The following KDM5C variants were observed in gnomAD, a reference collection of about 807,000 sequenced individuals.
KDM5C encodes the protein lysine-specific demethylase 5C.
Under a neutral mutation model 110.6 loss-of-function variants are expected in KDM5C, and 16 were observed. The observed-to-expected ratio is 0.14, with a 90% CI of 0.10 to 0.22. KDM5C has a LOEUF of 0.22. Ranked by LOEUF, KDM5C falls within the 10% of genes least tolerant of loss-of-function variation. The probability of loss-of-function intolerance (pLI) is 1.00; values close to 1 mark genes in which losing one functional copy is unlikely to be tolerated. For missense variants in KDM5C, 681 were observed against 1,300.9 expected (o/e 0.52, Z 7.33); for synonymous variants, 511 against 520.4 (o/e 0.98, Z 0.24).
intron 2 of KDM5C, 41 bp downstream of exon 2, chrX:53,220,798 T>C (rs2073874257): frequency 2.8e-6 from 3 of 1,077,588 alleles, no homozygotes; most frequent in Non-Finnish European, 3.9e-6. Flanking sequence ...AACTCAGGTA[T>C]ACATTCTCCC....
At chrX:53,216,004 A>C (rs782284862) in intron 6 of KDM5C, 28 bp from the exon 7 acceptor site, 4 of 1,211,725 alleles carry the variant, frequency 3.3e-6, no homozygotes, top group Non-Finnish European at 2.2e-6. Context: ...GGCTGTAAAC[A>C]CAGGTCTAGG....
chrX:53,195,471 G>A (rs1247143943), intron 20 of KDM5C, 61 bp from the exon 21 acceptor site: 1 of 1,044,478 alleles, frequency 9.6e-7, no homozygotes, highest in Non-Finnish European at 1.3e-6. Flanking sequence ...TGCTTACTCT[G>A]TGCCTGGCCC....
Position 53,197,964 on chromosome X carries a change from C to T in KDM5C, c.2517-88G>A, listed in dbSNP as rs782293487. 142 of 682,412 alleles carry T rather than the reference C, an allele frequency of 2.1e-4. 1 individual carries two copies. In the South Asian group the frequency reaches 2.1e-3, roughly 10 times the overall value. 56.2% of individuals were successfully genotyped at this position (682,412 alleles called of 1,213,427 possible). ...TAAGACTGAACACCTTTCCTCACTA[C>T]ACCTGTCCACCTTGATCTCGCATAT... On this transcript the variant is annotated intron_variant, in intron 17 of 25. Coordinates refer to ENST00000375401, the MANE Select transcript of KDM5C (RefSeq NM_004187.5).
chrX:53,215,234 A>G (rs1026095165), intron 7 of KDM5C: 114 of 358,589 alleles, frequency 3.2e-4, no homozygotes, highest in Non-Finnish European at 3.3e-4. Context: ...GCAGCTGGAG[A>G]TAAGGAGGGA....
chrX:53,216,049 G>C lies in KDM5C; in HGVS notation c.781+25C>G, dbSNP rs782405682. The C allele has an allele frequency of 3.3e-5, 40 of 1,212,160 alleles. 1 individual carries two copies. In the South Asian group the frequency reaches 7.0e-4, roughly 21 times the overall value. ...GCCCTGACTTTTCTCCCCAGGTGAGGCCACCCCAGCCTGTTAGGCCTTACC... is the reference window on the plus strand; with the variant it reads ...GCCCTGACTTTTCTCCCCAGGTGAGCCCACCCCAGCCTGTTAGGCCTTACC... On this transcript the variant is annotated intron_variant, in intron 6 of 25. Transcript: ENST00000375401.
At position 53,197,279 on chromosome X, in the gene KDM5C, T is replaced by G. The variant is rs1234077454; in HGVS notation, c.2623-235A>C. Among the ~76,000 whole-genome samples the G allele has an allele frequency of 7.1e-5, 8 of 111,970 alleles. No individual in the cohort carries two copies. The East Asian group carries it at 1.7e-3, about 24-fold the overall frequency. On this transcript the variant is annotated intron_variant, in intron 18 of 25. Coordinates refer to ENST00000375401, the MANE Select transcript of KDM5C (RefSeq NM_004187.5). ...GAATGCAGATTCCTGGGCCCCACCC[T>G]GAGAGATTCTTAATTAACTAATAAT...
In KDM5C at chrX:53,196,705, G is replaced by C. The variant is rs376421703; in HGVS notation, c.2962C>G (p.His988Asp). The C allele has an allele frequency of 8.3e-7, 1 of 1,209,434 alleles. No individual in the cohort carries two copies. The highest frequency in any genetic ancestry group is 1.7e-5 in the African/African-American group (1 of 57,414). The part of the protein sequence containing the change: ...TIAERWEEKA[H>D]LCLEARQKHP... ...ACCTACCTGGCCTCCAGGCAGAGGT[G>C]GGCTTTCTCCTCCCAGCGTTCAGCA... Residue 988 changes from histidine (H) to aspartate (D), a missense_variant, in exon 19 of 26, where the codon CAC (histidine) becomes GAC (aspartate). His to Asp is a moderately conservative substitution (Grantham distance 81). Transcript: ENST00000375401.
downstream of KDM5C, chrX:53,191,261 A>G (rs1402833665): frequency 5.9e-6 from 1 of 168,482 alleles, no homozygotes; most frequent in African/African-American, 3.0e-5. Flanking sequence ...TCCAACTACT[A>G]TGGGACCATT....
intron 19 of KDM5C, 104 bp downstream of exon 19, chrX:53,196,582 A>G (rs903316668): frequency 1.4e-5 from 9 of 634,472 alleles, no homozygotes; most frequent in African/African-American, 8.7e-5. Flanking sequence ...ACAGTAACAC[A>G]GGAGCGTGAT....
intron 12 of KDM5C, among the ~76,000 whole-genome samples, chrX:53,205,611 G>A (rs966460087): frequency 4.5e-5 from 5 of 112,143 alleles, no homozygotes; most frequent in Non-Finnish European, 9.4e-5. Flanking sequence ...TCTTCTTTCA[G>A]GGATCACTGC....
intron 25 of KDM5C, among the ~76,000 whole-genome samples, chrX:53,180,801 G>A (rs1242813280): frequency 2.2e-5 from 2 of 89,401 alleles, no homozygotes; most frequent in Non-Finnish European, 4.2e-5. Flanking sequence ...ATCTCGGCTC[G>A]CTGCAGGCTC....
Position 53,210,432 on chromosome X carries a change from G to A in KDM5C, c.1728C>T (p.Leu576=). The A allele has an allele frequency of 6.6e-6, 8 of 1,212,238 alleles. No homozygotes were observed. Among genetic ancestry groups the A allele is most frequent in the Non-Finnish European group, 8.9e-6 (8 of 895,624 alleles). Reference sequence around the variant, plus strand: ...TACTCACTGGCACACCATGGGACATGAGGGTGTTGGGATTCATGAGGGTGA... The same window carrying A: ...TACTCACTGGCACACCATGGGACATAAGGGTGTTGGGATTCATGAGGGTGA... The part of the protein sequence containing the change: ...QLVTLMNPNT[L]MSHGVPVVRT... Residue 576 remains leucine (L), a synonymous_variant, in exon 12 of 26, where the codon CTC becomes CTT. Transcript: ENST00000375401.
intron 19 of KDM5C, 49 bp downstream of exon 19, chrX:53,196,637 C>A (rs1556837043): frequency 9.1e-7 from 1 of 1,101,544 alleles, no homozygotes; most frequent in Non-Finnish European, 1.3e-6. Context: ...CTCCACTCAA[C>A]TTTGATGTTT....
chrX:53,193,504 T>G lies in KDM5C; in HGVS notation c.4250A>C (p.His1417Pro), dbSNP rs1556832861. 1 of 1,210,177 alleles carries G rather than the reference T, an allele frequency of 8.3e-7. No homozygotes were observed. Among genetic ancestry groups the G allele is most frequent in the Non-Finnish European group, 1.1e-6 (1 of 895,238 alleles). ...DLLEVTLDEN[H>P]SIWQLLQAGQ... ...AGCCTGCAGCAGCTGCCATATGCTG[T>G]GGTTCTCATCCAGGGTCACCTCGAG... The change falls in exon 25 of 26, where the codon CAC becomes CCC. Residue 1417 changes from histidine to proline, a missense_variant. Transcript: ENST00000375401.
intron 18 of KDM5C, 199 bp downstream of exon 18, chrX:53,197,572 C>T (rs2072994495): frequency 6.6e-6 from 3 of 451,432 alleles, no homozygotes; most frequent in African/African-American, 4.8e-5. Flanking sequence ...ATACCCATAC[C>T]CTTGCCACCT....
In KDM5C at chrX:53,215,735, G is replaced by A. The variant is rs897304262; in HGVS notation, c.963+60C>T. On this transcript the variant is annotated intron_variant, in intron 7 of 25. Coordinates refer to ENST00000375401, the MANE Select transcript of KDM5C (RefSeq NM_004187.5). ...TGCGAACTGGTCCAGTGCCATGCAG[G>A]GGAATGCTTATTGAAGGGACAAGAA... The A allele has an allele frequency of 5.3e-6, 6 of 1,127,449 alleles. No individual in the cohort carries two copies. In the Admixed American group the frequency reaches 1.3e-4, roughly 25 times the overall value. The allele number at this position is 1,127,449 out of a possible 1,213,427, so 92.9% of individuals were successfully genotyped here. A position where few individuals can be genotyped will look rare whatever the true frequency, so the allele number is the denominator to read the frequency against.
chrX:53,191,770 C>G, downstream of KDM5C: 1 of 174,158 alleles, frequency 5.7e-6, no homozygotes. Flanking sequence ...ACTTTAGAAA[C>G]CCCCCAAATC....
At chrX:53,182,148 G>C (rs1234579349) in intron 25 of KDM5C, among the ~76,000 whole-genome samples, 1 of 105,861 alleles carries the variant, frequency 9.4e-6, no homozygotes, top group Non-Finnish European at 1.9e-5. Flanking sequence ...GCAATGGCTT[G>C]ATCTCGGCTC....
intron 13 of KDM5C, 48 bp downstream of exon 13, chrX:53,201,806 T>C (rs371023334): frequency 1.9e-5 from 23 of 1,209,721 alleles, no homozygotes; most frequent in Non-Finnish European, 2.6e-5. Flanking sequence ...CCAGCTTCTC[T>C]ACAACCCTCC....
Sources: gnomAD v4.1 joint callset for allele counts (sites outside exome capture counted in the v4.1 genomes callset) on GRCh38, gnomAD v4.1.1 for gene constraint, MANE v1.5 for transcripts, NCBI Gene and HGNC (gene_info 2026-07-23, HGNC 2026-07-21) for gene names.